The following MYO16 variants were observed in gnomAD, a reference collection of about 807,000 sequenced individuals.
The protein encoded by MYO16 is myosin XVI.
MYO16 carries 94 observed loss-of-function variants against 205.3 expected under a neutral mutation model. That is an observed-to-expected ratio of 0.46 (90% CI 0.39 to 0.54). The LOEUF is 0.54. Among genes scored for constraint, MYO16 ranks in the 20% least tolerant of loss-of-function variants. The pLI, the probability that MYO16 is intolerant of heterozygous loss-of-function variation, is 0.00. For missense variants in MYO16, 2,315 were observed against 2,387.5 expected (o/e 0.97, Z 0.63); for synonymous variants, 988 against 954.0 (o/e 1.04, Z -0.66).
intron 15 of MYO16, among the ~76,000 whole-genome samples, chr13:108,908,234 G>C (rs1420859443): frequency 6.6e-6 from 1 of 152,102 alleles, no homozygotes; most frequent in African/African-American, 2.4e-5. Flanking sequence ...GGGCTTTACT[G>C]TCACCAATGA....
chr13:109,031,435 C>G (rs951900151), intron 23 of MYO16, among the ~76,000 whole-genome samples: 4 of 152,122 alleles, frequency 2.6e-5, no homozygotes, highest in African/African-American at 9.7e-5. Context: ...TCTGATAACT[C>G]TCTTCAAAGT....
intron 22 of MYO16, among the ~76,000 whole-genome samples, chr13:109,015,878 G>A (rs1184051402): frequency 6.6e-6 from 1 of 151,904 alleles, no homozygotes; most frequent in African/African-American, 2.4e-5. Context: ...CTTGCTAGTG[G>A]TCTATCAATT....
chr13:109,001,371 T>G (rs1401088794), intron 21 of MYO16, among the ~76,000 whole-genome samples: 1 of 152,114 alleles, frequency 6.6e-6, no homozygotes, highest in African/African-American at 2.4e-5. Flanking sequence ...AAAGCAACCC[T>G]TCTCTGCTGT....
intron 1 of MYO16, among the ~76,000 whole-genome samples, chr13:108,621,282 T>G (rs1372951389): frequency 6.6e-6 from 1 of 152,128 alleles, no homozygotes; most frequent in African/African-American, 2.4e-5. Context: ...GCATGTTGAG[T>G]GCTCAACAAA....
chr13:108,520,984 C>A, the MYO16 span, among the ~76,000 whole-genome samples: 1 of 152,052 alleles, frequency 6.6e-6, no homozygotes. Flanking sequence ...CTCTCTTTTT[C>A]CTTCTTTCCT....
chr13:109,201,876 C>T (rs1219028934), intron 34 of MYO16, among the ~76,000 whole-genome samples: 1 of 152,088 alleles, frequency 6.6e-6, no homozygotes, highest in Non-Finnish European at 1.5e-5. Context: ...TGAGTTAGTT[C>T]ACTTGGAACA....
At chr13:108,672,461 G>A (rs1436552005) in intron 2 of MYO16, among the ~76,000 whole-genome samples, 1 of 151,974 alleles carries the variant, frequency 6.6e-6, no homozygotes, top group Admixed American at 6.6e-5. Context: ...TTTTTCAAAG[G>A]ACAATATGTC....
intron 1 of MYO16, among the ~76,000 whole-genome samples, chr13:108,638,128 G>A (rs556667741): frequency 3.3e-5 from 5 of 152,220 alleles, no homozygotes; most frequent in Non-Finnish European, 5.9e-5. Context: ...TCAAGAAGTG[G>A]TCTCTAAGTT....
At chr13:109,084,885 A>G (rs28418753) in intron 27 of MYO16, among the ~76,000 whole-genome samples, 1 of 152,126 alleles carries the variant, frequency 6.6e-6, no homozygotes, top group African/African-American at 2.4e-5. Flanking sequence ...GACCATTTGG[A>G]GTGATAAAGT....
rs1876344805 is a variant in MYO16 at position 109,127,889 on chromosome 13, C to A, written c.4051+339C>A. On this transcript the variant is annotated intron_variant, in intron 31 of 34. Coordinates refer to ENST00000457511, the MANE Select transcript of MYO16 (RefSeq NM_001198950.3). This position sits in a 1 kb window ranked among gnomAD's most constrained non-coding sequence, Gnocchi z 4.2. The stretch of plus-strand genomic sequence containing the variant: ...AAAAAAAAAAAAAAACTGCTTCAGG[C>A]ATTCCAGTTATCACAATCTAATAAA... Among the ~76,000 whole-genome samples, 1 of 148,466 alleles carries A rather than the reference C, an allele frequency of 6.7e-6. No homozygotes were observed. The highest frequency in any genetic ancestry group is 6.7e-5 in the Admixed American group (1 of 14,966).
rs575672138 is a variant in MYO16, at chr13:109,205,556, A to G, written c.5416-1053A>G. Reference sequence around the variant, plus strand: ...ATCTCATTTCCTCTGAATTCTCCCCAGTATTCCTATTCGGATTTCCAGAAT... The same window carrying G: ...ATCTCATTTCCTCTGAATTCTCCCCGGTATTCCTATTCGGATTTCCAGAAT... On this transcript the variant is annotated intron_variant, in intron 34 of 34. Transcript: ENST00000457511. 1.0e-3 allele frequency among the ~76,000 whole-genome samples: 158 copies of G among 152,318 alleles called. 2 individuals are homozygous for G. Among genetic ancestry groups the G allele is most frequent in the South Asian group, 9.3e-3 (45 of 4,826 alleles).
intron 9 of MYO16, among the ~76,000 whole-genome samples, chr13:108,837,078 G>A (rs1045859587): frequency 6.6e-6 from 1 of 152,192 alleles, no homozygotes; most frequent in Non-Finnish European, 1.5e-5. Context: ...TTGAATTGTA[G>A]TTCCCATAAT....
chr13:108,631,245 G>A (rs188860470), intron 1 of MYO16, among the ~76,000 whole-genome samples: 2 of 152,270 alleles, frequency 1.3e-5, no homozygotes, highest in Admixed American at 1.3e-4. Context: ...CAAGGAACCT[G>A]GATGCTCATT....
intron 4 of MYO16, among the ~76,000 whole-genome samples, chr13:108,768,126 T>G (rs1885841895): frequency 6.6e-6 from 1 of 152,156 alleles, no homozygotes; most frequent in Non-Finnish European, 1.5e-5. Flanking sequence ...ACTCCAAGCC[T>G]TATTCCTTTT....
At chr13:109,025,975 T>C (rs1886349029) in intron 23 of MYO16, among the ~76,000 whole-genome samples, 1 of 152,198 alleles carries the variant, frequency 6.6e-6, no homozygotes, top group Admixed American at 6.5e-5. Flanking sequence ...CTGAAAGTTG[T>C]TTTTTATGAA....
intron 3 of MYO16, among the ~76,000 whole-genome samples, chr13:108,723,690 T>G (rs1250398770): frequency 1.3e-5 from 2 of 152,206 alleles, no homozygotes; most frequent in Non-Finnish European, 2.9e-5. Flanking sequence ...TTTCATTTTA[T>G]GCCAACACCA....
intron 16 of MYO16, among the ~76,000 whole-genome samples, chr13:108,949,981 A>G (rs1883081913): frequency 6.9e-6 from 1 of 145,610 alleles, no homozygotes; most frequent in South Asian, 2.1e-4. Context: ...ATCCATAGGC[A>G]AAACAAGCAA....
intron 31 of MYO16, among the ~76,000 whole-genome samples, chr13:109,138,174 C>T (rs1273952725): frequency 6.6e-6 from 1 of 152,138 alleles, no homozygotes; most frequent in East Asian, 1.9e-4. Context: ...TCATTGTCTC[C>T]CAGAAACTGG....
chr13:108,934,145 T>C (rs998629448), intron 16 of MYO16, among the ~76,000 whole-genome samples: 1 of 152,166 alleles, frequency 6.6e-6, no homozygotes, highest in Admixed American at 6.5e-5. Context: ...TGAATGGTGT[T>C]CTGAGTTTCT....
Sources: allele counts gnomAD v4.1 joint callset (sites outside exome capture counted in the v4.1 genomes callset), GRCh38; gene constraint gnomAD v4.1.1; non-coding constraint Gnocchi (gnomAD v3.1); transcripts MANE v1.5; gene names NCBI Gene and HGNC (gene_info 2026-07-23, HGNC 2026-07-21).